The following VWA8 variants were observed in gnomAD, a reference collection of about 807,000 sequenced individuals.
VWA8 encodes von Willebrand factor A domain-containing protein 8.
In VWA8, 221 loss-of-function variants were observed where a neutral mutation model predicts 241.5. The ratio of observed to expected loss-of-function variants is 0.91; its 90% CI spans 0.82 to 1.02. The LOEUF (loss-of-function observed/expected upper bound fraction) is 1.02, where lower values mean the gene tolerates loss of function less well. Among genes scored for constraint, VWA8 ranks in the 50% least tolerant of loss-of-function variants. The probability of loss-of-function intolerance (pLI) is 0.00; values close to 1 mark genes in which losing one functional copy is unlikely to be tolerated. For missense variants in VWA8, 2,322 were observed against 2,328.7 expected (o/e 1.00, Z 0.06); for synonymous variants, 852 against 827.1 (o/e 1.03, Z -0.52).
rs772843463 is a variant in VWA8, at chr13:41,570,617, T to G, written c.5460A>C (p.Glu1820Asp). ...AGACTATGACAAAGTACTCATCAGC[T>G]TCTTCTTTGACAATTTCCTTGATGG... Reference protein sequence around the residue: ...EHAIKEIVKEEADEYFVIVLS... With the variant: ...EHAIKEIVKEDADEYFVIVLS... The change falls in exon 44 of 45, where the codon GAA (glutamate) becomes GAC (aspartate). Residue 1820 changes from glutamate to aspartate, a missense_variant. Coordinates refer to ENST00000379310, the MANE Select transcript of VWA8 (RefSeq NM_015058.2). 2 of 1,614,232 alleles carry G rather than the reference T, an allele frequency of 1.2e-6. No homozygotes were observed. The highest frequency in any genetic ancestry group is 1.1e-5 in the South Asian group (1 of 91,090).
At chr13:41,705,984 T>C (rs1211778915) in intron 26 of VWA8, among the ~76,000 whole-genome samples, 1 of 152,194 alleles carries the variant, frequency 6.6e-6, no homozygotes, top group Non-Finnish European at 1.5e-5. Flanking sequence ...AGAAACAGTT[T>C]CACATCTTGA....
intron 17 of VWA8, among the ~76,000 whole-genome samples, chr13:41,800,746 T>C (rs1869916094): frequency 7.0e-6 from 1 of 143,046 alleles, no homozygotes; most frequent in Non-Finnish European, 1.5e-5. Context: ...TGAGCTGAGA[T>C]GGCGCCACTG....
At chr13:41,930,848 T>A (rs1272980848) in intron 2 of VWA8, among the ~76,000 whole-genome samples, 2 of 152,026 alleles carry the variant, frequency 1.3e-5, no homozygotes, top group Non-Finnish European at 2.9e-5. Context: ...ATGGTCAGCT[T>A]GTATATCTAC....
chr13:41,918,202 T>C (rs1429776112), intron 2 of VWA8, among the ~76,000 whole-genome samples: 1 of 152,210 alleles, frequency 6.6e-6, no homozygotes, highest in Non-Finnish European at 1.5e-5. Flanking sequence ...AAAATACATA[T>C]ATAAAACATC....
intron 29 of VWA8, among the ~76,000 whole-genome samples, chr13:41,695,751 T>A (rs982166540): frequency 6.6e-6 from 1 of 152,134 alleles, no homozygotes; most frequent in African/African-American, 2.4e-5. Context: ...TAAGGCAGTA[T>A]ATGAGGAGGC....
chr13:41,786,537 A>C (rs928531370), intron 18 of VWA8, among the ~76,000 whole-genome samples: 23 of 152,202 alleles, frequency 1.5e-4, no homozygotes, highest in African/African-American at 5.5e-4. Flanking sequence ...CGGCAGTCTG[A>C]ATGACAGTCG....
rs781057966 is a variant in VWA8 at position 41,887,373 on chromosome 13, A to C, written c.652-12T>G. On this transcript the variant is annotated splice_polypyrimidine_tract_variant and intron_variant, in intron 5 of 44. Coordinates refer to ENST00000379310, the MANE Select transcript of VWA8 (RefSeq NM_015058.2). ...TTTTTGGTATGATCCTATAAAAGTA[A>C]GAGATCCGGAAGCTATAGCATAAAT... is the stretch of plus-strand genomic sequence containing the variant. 1 of 1,605,220 alleles carries C rather than the reference A, an allele frequency of 6.2e-7. No individual in the cohort carries two copies. The highest frequency in any genetic ancestry group is 1.4e-5 in the African/African-American group (1 of 74,018).
chr13:41,715,842 G>A (rs1323032820), intron 26 of VWA8, among the ~76,000 whole-genome samples: 4 of 151,932 alleles, frequency 2.6e-5, no homozygotes, highest in Non-Finnish European at 2.9e-5. Context: ...AGCATCAATT[G>A]TCTTGTTTCT....
At chr13:41,873,995 TG>T (rs1312873224) in intron 9 of VWA8, among the ~76,000 whole-genome samples, 1 of 152,172 alleles carries the variant, frequency 6.6e-6, no homozygotes, top group African/African-American at 2.4e-5. Context: ...CATGATCAAG[TG>T]GGCTTCATCC....
At chr13:41,942,627 T>C (rs1031509656) in intron 2 of VWA8, among the ~76,000 whole-genome samples, 5 of 151,922 alleles carry the variant, frequency 3.3e-5, no homozygotes, top group Admixed American at 2.6e-4. Flanking sequence ...TTCCCAACAG[T>C]CCTTACAAGT....
chr13:41,741,238 G>A (rs1215490053), intron 21 of VWA8, among the ~76,000 whole-genome samples: 1 of 152,170 alleles, frequency 6.6e-6, no homozygotes, highest in African/African-American at 2.4e-5. Context: ...CACGTAGTAG[G>A]AGTTCTCAAT....
At chr13:41,672,749 G>T (rs1455716668) in intron 36 of VWA8, among the ~76,000 whole-genome samples, 6 of 152,316 alleles carry the variant, frequency 3.9e-5, no homozygotes, top group Admixed American at 2.6e-4. Flanking sequence ...AGGACTCCCA[G>T]AAGGGCTCAA....
chr13:41,775,792 C>T (rs918937146), intron 20 of VWA8, among the ~76,000 whole-genome samples: 1 of 152,212 alleles, frequency 6.6e-6, no homozygotes, highest in Non-Finnish European at 1.5e-5. Flanking sequence ...TTCACAGTCT[C>T]TGCTTCATTC....
intron 14 of VWA8, among the ~76,000 whole-genome samples, chr13:41,825,044 GCA>G (rs1871123381): frequency 6.6e-6 from 1 of 152,006 alleles, no homozygotes; most frequent in Non-Finnish European, 1.5e-5. Context: ...ACCTCTCAAG[GCA>G]CAGTTACTAG....
Position 41,671,041 on chromosome 13 carries a change from C to A in VWA8, c.4516G>T (p.Gly1506Cys), listed in dbSNP as rs1349072716. Reference protein sequence around the residue: ...KSGVVTVDMGGHIRLWETGLE... With the variant: ...KSGVVTVDMGCHIRLWETGLE... ...CCAGTTTCCCAAAGCCTGATGTGAC[C>A]TCCCATATCAACAGTAACAACACCG... The change falls in exon 37 of 45, where the codon GGT (glycine) becomes TGT (cysteine). Residue 1506 changes from glycine to cysteine, a missense_variant. Coordinates refer to ENST00000379310, the MANE Select transcript of VWA8 (RefSeq NM_015058.2). The A allele has an allele frequency of 7.4e-6, 12 of 1,613,816 alleles. No individual in the cohort carries two copies. The highest frequency in any genetic ancestry group is 1.3e-5 in the African/African-American group (1 of 74,876).
intron 37 of VWA8, among the ~76,000 whole-genome samples, chr13:41,653,594 AATAGCC>A (rs2044882551): frequency 6.6e-6 from 1 of 152,202 alleles, no homozygotes; most frequent in Admixed American, 6.5e-5. Context: ...AAAGAGCCTG[AATAGCC>A]AAAGCAATCC....
chr13:41,836,335 A>G (rs1366800637), intron 12 of VWA8, among the ~76,000 whole-genome samples: 1 of 152,210 alleles, frequency 6.6e-6, no homozygotes, highest in Non-Finnish European at 1.5e-5. Context: ...ATACTTTCAA[A>G]GAAACTGATG....
chr13:41,701,458 C>G lies in VWA8; in HGVS notation c.3298G>C (p.Glu1100Gln). The change falls in exon 28 of 45, where the codon GAA becomes CAA. Residue 1100 changes from glutamate (E) to glutamine (Q), a missense_variant. Physicochemically the swap from Glu to Gln is conservative, Grantham distance 29. Transcript: ENST00000379310. The stretch of plus-strand genomic sequence containing the variant: ...AATGGTATTCTCCATGAGGCACATT[C>G]TTCAGTAAAGTTTAGGGATCTTTCT... ...HEERSLNFTEECASWRIPLDE... is the reference protein window; with the variant it reads ...HEERSLNFTEQCASWRIPLDE... 1 of 1,612,400 alleles carries G rather than the reference C, an allele frequency of 6.2e-7. No homozygotes were observed. Among genetic ancestry groups the G allele is most frequent in the Non-Finnish European group, 8.5e-7 (1 of 1,179,244 alleles).
intron 36 of VWA8, among the ~76,000 whole-genome samples, chr13:41,671,807 A>G (rs1176152297): frequency 6.6e-6 from 1 of 152,156 alleles, no homozygotes; most frequent in Non-Finnish European, 1.5e-5. Context: ...CTAGGAACTG[A>G]ATTGGCTGGC....
Sources: allele counts gnomAD v4.1 joint callset (sites outside exome capture counted in the v4.1 genomes callset), GRCh38; gene constraint gnomAD v4.1.1; transcripts MANE v1.5; gene names NCBI Gene and HGNC (gene_info 2026-07-23, HGNC 2026-07-21).